INPP5A: variants seen among roughly 807,000 people sequenced by gnomAD.
The protein encoded by INPP5A is 43 kDa inositol polyphosphate 5-phophatase.
Under a neutral mutation model 65.2 loss-of-function variants are expected in INPP5A, and 14 were observed. That is an observed-to-expected ratio of 0.21 (90% CI 0.14 to 0.34). The LOEUF (loss-of-function observed/expected upper bound fraction) is 0.34. INPP5A is among the 10% of genes least tolerant of loss of function. The probability of loss-of-function intolerance (pLI) is 1.00; values close to 1 mark genes in which losing one functional copy is unlikely to be tolerated. For synonymous variants in INPP5A, 207 were observed against 208.3 expected (o/e 0.99, Z 0.05); for missense variants, 431 against 545.6 (o/e 0.79, Z 2.09).
chr10:132,591,930 A>G (rs948035959), intron 1 of INPP5A, among the ~76,000 whole-genome samples: 2 of 152,216 alleles, frequency 1.3e-5, no homozygotes, highest in African/African-American at 4.8e-5. Flanking sequence ...CCAGGAGGAA[A>G]GAGCCGGCTC....
chr10:132,769,108 G>C (rs1347592885), intron 12 of INPP5A, among the ~76,000 whole-genome samples: 1 of 152,254 alleles, frequency 6.6e-6, no homozygotes, highest in Non-Finnish European at 1.5e-5. Context: ...GTCATTGGCG[G>C]ATGGTTCTGA....
In INPP5A at chr10:132,587,493, C is replaced by G. The variant is rs903836773; in HGVS notation, c.76-20422C>G. On this transcript the variant is annotated intron_variant, in intron 1 of 15. Transcript: ENST00000368594. This position sits in a 1 kb window ranked among gnomAD's most constrained non-coding sequence, Gnocchi z 4.3. ...AAGGATGCGGCCATACCAGACGGAA[C>G]CTTTGTCCACAGGGTCCCTGTAACC... Among the ~76,000 whole-genome samples, 5 of 152,142 alleles carry G rather than the reference C, an allele frequency of 3.3e-5. No homozygotes were observed. The highest frequency in any genetic ancestry group is 9.7e-5 in the African/African-American group (4 of 41,428).
chr10:132,563,407 A>T (rs2071230938), intron 1 of INPP5A, among the ~76,000 whole-genome samples: 1 of 152,200 alleles, frequency 6.6e-6, no homozygotes, highest in African/African-American at 2.4e-5. Context: ...TGCAAATGTG[A>T]GCACCAGCTG....
intron 1 of INPP5A, among the ~76,000 whole-genome samples, chr10:132,544,225 C>T (rs1169546725): frequency 6.6e-6 from 1 of 152,256 alleles, no homozygotes; most frequent in Non-Finnish European, 1.5e-5. Context: ...GAGAAGCGCA[C>T]AACCAGGATG....
At chr10:132,661,523 G>T (rs1439051954) in intron 4 of INPP5A, among the ~76,000 whole-genome samples, 1 of 152,148 alleles carries the variant, frequency 6.6e-6, no homozygotes, top group Non-Finnish European at 1.5e-5. Flanking sequence ...ATTGCTCAGA[G>T]AAATTAAATA....
At chr10:132,599,224 G>C (rs150124851) in intron 1 of INPP5A, among the ~76,000 whole-genome samples, 2,309 of 152,340 alleles carry the variant, frequency 0.015, 33 homozygotes, top group South Asian at 0.039. Flanking sequence ...GTATGAGCCT[G>C]TAAAATCAAA....
chr10:132,626,142 T>C (rs1449356922), intron 2 of INPP5A, among the ~76,000 whole-genome samples: 1 of 152,192 alleles, frequency 6.6e-6, no homozygotes, highest in Non-Finnish European at 1.5e-5. Context: ...TGTGCTAGTG[T>C]GTTGAGCCAG....
chr10:132,687,851 G>C (rs1845163348), intron 4 of INPP5A, among the ~76,000 whole-genome samples: 1 of 152,248 alleles, frequency 6.6e-6, no homozygotes, highest in African/African-American at 2.4e-5. Flanking sequence ...AGCAGAGACA[G>C]GAGGCAGAGG....
chr10:132,629,147 G>T (rs1446633353), intron 2 of INPP5A, among the ~76,000 whole-genome samples: 1 of 152,162 alleles, frequency 6.6e-6, no homozygotes, highest in African/African-American at 2.4e-5. Context: ...GGGTCCATTT[G>T]GCTGCCTGAC....
At chr10:132,702,315 G>A (rs150037970) in intron 6 of INPP5A, among the ~76,000 whole-genome samples, 98 of 152,126 alleles carry the variant, frequency 6.4e-4, no homozygotes, top group Non-Finnish European at 8.5e-4. Flanking sequence ...ATTGTTTCTC[G>A]TTTTATTTAT....
At chr10:132,569,262 A>G (rs2071308859) in intron 1 of INPP5A, among the ~76,000 whole-genome samples, 1 of 152,224 alleles carries the variant, frequency 6.6e-6, no homozygotes, top group South Asian at 2.1e-4. Context: ...GTTAAAAATA[A>G]TAAAAATTTT....
rs2071406666 is a variant in INPP5A at position 132,575,825 on chromosome 10, C to T, written c.76-32090C>T. The stretch of plus-strand genomic sequence containing the variant: ...GTGTGTGGTCCCCTAGTGACACCGC[C>T]TGCTCTGTGGCTGTTTTCTTTCTTT... On this transcript the variant is annotated intron_variant, in intron 1 of 15. Transcript: ENST00000368594. The surrounding 1 kb of genome is among the most constrained non-coding windows in gnomAD (Gnocchi z 5.4). Among the ~76,000 whole-genome samples the T allele has an allele frequency of 6.6e-6, 1 of 152,174 alleles. No homozygotes were observed. The highest frequency in any genetic ancestry group is 1.5e-5 in the Non-Finnish European group (1 of 68,034).
chr10:132,642,267 A>G (rs531063030), intron 2 of INPP5A, among the ~76,000 whole-genome samples: 12 of 152,222 alleles, frequency 7.9e-5, no homozygotes, highest in Non-Finnish European at 1.3e-4. Flanking sequence ...GCAGAGCCCC[A>G]GCGTGCAGCA....
intron 2 of INPP5A, among the ~76,000 whole-genome samples, chr10:132,638,422 T>C (rs1423518609): frequency 6.6e-6 from 1 of 152,234 alleles, no homozygotes; most frequent in Non-Finnish European, 1.5e-5. Flanking sequence ...CCCTCTCTTG[T>C]GGTGTTTCTT....
At chr10:132,620,768 C>T (rs912424501) in intron 2 of INPP5A, among the ~76,000 whole-genome samples, 3 of 152,162 alleles carry the variant, frequency 2.0e-5, no homozygotes, top group South Asian at 4.1e-4. Flanking sequence ...CAGATGGCTT[C>T]CCTGGTGAAT....
At chr10:132,765,953 C>A in intron 12 of INPP5A, 107 bp downstream of exon 12, 1 of 737,838 alleles carries the variant, frequency 1.4e-6, no homozygotes, top group South Asian at 1.5e-5. Flanking sequence ...TTGTGCTGGG[C>A]ATGAGTGTGT....
At chr10:132,608,095 C>T in intron 2 of INPP5A, 139 bp downstream of exon 2, 1 of 749,336 alleles carries the variant, frequency 1.3e-6, no homozygotes, top group Non-Finnish European at 2.3e-6. Context: ...CTCGGCTCCG[C>T]TGCCTGTGCT....
At chr10:132,775,102 AGGCAGGGAGGAGG>A (rs1207595026) in intron 12 of INPP5A, among the ~76,000 whole-genome samples, 77 of 728 alleles carry the variant, frequency 0.11, no homozygotes, top group Non-Finnish European at 0.11. Context: ...GAGGAGAGAC[AGGCAGGGAGGAGG>A]GGCAGGGAGG....
chr10:132,639,356 C>G (rs2072398662), intron 2 of INPP5A, among the ~76,000 whole-genome samples: 1 of 144,534 alleles, frequency 6.9e-6, no homozygotes, highest in South Asian at 2.2e-4. Flanking sequence ...GTTCCACTGT[C>G]TTTTGGCCTC....
Sources: gnomAD v4.1 joint callset for allele counts (sites outside exome capture counted in the v4.1 genomes callset) on GRCh38, gnomAD v4.1.1 for gene constraint, Gnocchi (gnomAD v3.1) non-coding constraint, MANE v1.5 for transcripts, NCBI Gene and HGNC (gene_info 2026-07-23, HGNC 2026-07-21) for gene names.